Variants in CCDC7 observed in about 807,000 individuals in gnomAD.
The protein encoded by CCDC7 is coiled-coil domain containing 7, also known as coiled-coil domain-containing protein 7.
CCDC7 carries 183 observed loss-of-function variants against 196.9 expected under a neutral mutation model. The ratio of observed to expected loss-of-function variants is 0.93; its 90% CI spans 0.82 to 1.05. CCDC7 has a LOEUF of 1.05. CCDC7 is among the 50% of genes least tolerant of loss of function. CCDC7 has a pLI of 0.00. For synonymous variants in CCDC7, 525 were observed against 484.6 expected, an observed-to-expected ratio of 1.08 and a Z score of -1.10; for missense variants, 1,540 against 1,482.2, an observed-to-expected ratio of 1.04 and a Z score of -0.64.
chr10:32,588,895 T>C (rs1009829593), intron 18 of CCDC7, among the ~76,000 whole-genome samples: 4 of 152,096 alleles, frequency 2.6e-5, no homozygotes, highest in African/African-American at 9.7e-5. Flanking sequence ...ACCTAGTTGG[T>C]GTATATATTT....
intron 28 of CCDC7, among the ~76,000 whole-genome samples, chr10:32,739,736 A>G (rs1266656389): frequency 6.6e-6 from 1 of 152,006 alleles, no homozygotes; most frequent in Non-Finnish European, 1.5e-5. Context: ...GACAATAGGA[A>G]CTGAGGTATG....
At position 32,500,324 on chromosome 10, in the gene CCDC7, C is replaced by T. The variant is rs1032489148; in HGVS notation, c.872+8327C>T. Among the ~76,000 whole-genome samples, 105 of 151,204 alleles carry T rather than the reference C, an allele frequency of 6.9e-4. 1 individual carries two copies. The Middle Eastern group carries it at 0.014, about 20-fold the overall frequency. On this transcript the variant is annotated intron_variant, in intron 9 of 41. Coordinates refer to ENST00000639629, the Ensembl canonical transcript of CCDC7. ...TGCTGGGCGGAGGGGCTCCTCACTT[C>T]TCGGACGGGGCGGCCGGTCAGAGAC...
At chr10:32,488,518 G>T (rs2041624622) in intron 8 of CCDC7, among the ~76,000 whole-genome samples, 1 of 152,138 alleles carries the variant, frequency 6.6e-6, no homozygotes, top group South Asian at 2.1e-4. Context: ...ACACTCCCCA[G>T]TGAGATGAAC....
chr10:32,858,756 A>G (rs889246131), intron 41 of CCDC7, among the ~76,000 whole-genome samples: 4 of 152,154 alleles, frequency 2.6e-5, no homozygotes. Flanking sequence ...GCAAAAAAAA[A>G]CCAGGGATTG....
chr10:32,768,741 A>G (rs1030082815), intron 28 of CCDC7, among the ~76,000 whole-genome samples: 8 of 152,148 alleles, frequency 5.3e-5, no homozygotes, highest in African/African-American at 1.9e-4. Flanking sequence ...GCTGAACTTT[A>G]TCAAATGCCA....
intron 11 of CCDC7, among the ~76,000 whole-genome samples, chr10:32,534,357 A>G (rs1408109832): frequency 2.0e-5 from 3 of 152,018 alleles, no homozygotes; most frequent in Non-Finnish European, 2.9e-5. Context: ...TGTTGTTTTG[A>G]ATTCTTGTTC....
At chr10:32,532,789 C>T (rs759346905) in intron 11 of CCDC7, among the ~76,000 whole-genome samples, 1 of 151,998 alleles carries the variant, frequency 6.6e-6, no homozygotes, top group Non-Finnish European at 1.5e-5. Context: ...ATAGCTACTC[C>T]TGCTCTTTTT....
intron 21 of CCDC7, among the ~76,000 whole-genome samples, chr10:32,668,447 C>G (rs1303192097): frequency 2.6e-5 from 4 of 151,984 alleles, no homozygotes. Context: ...TGTCTTGTGC[C>G]AGTTTTCAAA....
rs1244070463 is a variant in CCDC7, at chr10:32,735,032, C to G, written c.2905+5575C>G. Among the ~76,000 whole-genome samples, 4 of 151,332 alleles carry G rather than the reference C, an allele frequency of 2.6e-5. No individual in the cohort carries two copies. In the East Asian group the frequency reaches 7.8e-4, roughly 29 times the overall value. ...TGCTTTCTTGTGATAAGTATTTACACAGTCTTTTGTAAACAGTTTAGACAG... is the reference window on the plus strand; with the variant it reads ...TGCTTTCTTGTGATAAGTATTTACAGAGTCTTTTGTAAACAGTTTAGACAG... On this transcript the variant is annotated intron_variant, in intron 28 of 41. Transcript: ENST00000639629.
chr10:32,700,670 A>G (rs1027492050), intron 24 of CCDC7, among the ~76,000 whole-genome samples: 3 of 152,274 alleles, frequency 2.0e-5, no homozygotes, highest in Non-Finnish European at 2.9e-5. Flanking sequence ...CACGATATTG[A>G]TTCTTCCTAT....
At chr10:32,642,007 C>G (rs2066894008) in intron 20 of CCDC7, among the ~76,000 whole-genome samples, 3 of 152,168 alleles carry the variant, frequency 2.0e-5, no homozygotes, top group African/African-American at 7.2e-5. Flanking sequence ...GATCGTTTCT[C>G]TGGAAGTTTT....
intron 8 of CCDC7, among the ~76,000 whole-genome samples, chr10:32,475,747 A>G: frequency 6.6e-6 from 1 of 152,138 alleles, no homozygotes; most frequent in East Asian, 1.9e-4. Flanking sequence ...TTCTCTGGCC[A>G]CACTTAATCC....
At chr10:32,800,523 G>A (rs1225260871) in intron 29 of CCDC7, among the ~76,000 whole-genome samples, 1 of 152,082 alleles carries the variant, frequency 6.6e-6, no homozygotes, top group East Asian at 1.9e-4. Context: ...TTAACTGGAG[G>A]ATCACAATAA....
intron 18 of CCDC7, among the ~76,000 whole-genome samples, chr10:32,625,802 A>G (rs1475245793): frequency 6.6e-6 from 1 of 150,414 alleles, no homozygotes; most frequent in Non-Finnish European, 1.5e-5. Context: ...TATCTTCCAC[A>G]TGTAAGTGAA....
At chr10:32,497,339 C>T (rs914179886) in intron 9 of CCDC7, among the ~76,000 whole-genome samples, 1 of 152,250 alleles carries the variant, frequency 6.6e-6, no homozygotes, top group African/African-American at 2.4e-5. Flanking sequence ...TTTCAAAAAA[C>T]CAGCTCCTGG....
chr10:32,525,893 G>A (rs528760821), intron 11 of CCDC7, among the ~76,000 whole-genome samples: 1 of 152,246 alleles, frequency 6.6e-6, no homozygotes, highest in South Asian at 2.1e-4. Context: ...TGAGCCATCT[G>A]GAACTGGGGG....
At chr10:32,872,792 T>C (rs2094475249) in intron 41 of CCDC7, among the ~76,000 whole-genome samples, 1 of 152,138 alleles carries the variant, frequency 6.6e-6, no homozygotes, top group Non-Finnish European at 1.5e-5. Context: ...TCTCCTTCAC[T>C]TATGAAGCTT....
At chr10:32,746,064 G>A (rs952907188) in intron 28 of CCDC7, among the ~76,000 whole-genome samples, 4 of 152,144 alleles carry the variant, frequency 2.6e-5, no homozygotes, top group African/African-American at 9.7e-5. Context: ...GACCCAAGAT[G>A]GCTGACCAGA....
At chr10:32,576,863 A>G (rs1334086148) in intron 16 of CCDC7, among the ~76,000 whole-genome samples, 1 of 152,114 alleles carries the variant, frequency 6.6e-6, no homozygotes, top group African/African-American at 2.4e-5. Flanking sequence ...GTGTTCCTTC[A>G]TAGCGGGATG....
Sources: gnomAD v4.1 joint callset for allele counts (sites outside exome capture counted in the v4.1 genomes callset) on GRCh38, gnomAD v4.1.1 for gene constraint, MANE v1.5 for transcripts, NCBI Gene and HGNC (gene_info 2026-07-23, HGNC 2026-07-21) for gene names.